CRYBG3: variants seen among roughly 807,000 people sequenced by gnomAD.
CRYBG3 encodes very large A-kinase anchor protein.
Under a neutral mutation model 244.2 loss-of-function variants are expected in CRYBG3, and 127 were observed. The observed-to-expected ratio is 0.52, with a 90% CI of 0.45 to 0.60. The LOEUF (loss-of-function observed/expected upper bound fraction) is 0.60, where lower values mean the gene tolerates loss of function less well. CRYBG3 is among the 20% of genes least tolerant of loss of function. CRYBG3 has a pLI of 0.00. For synonymous variants in CRYBG3, 1,132 were observed against 1,195.8 expected, an observed-to-expected ratio of 0.95 and a Z score of 1.10; for missense variants, 3,325 against 3,442.5, an observed-to-expected ratio of 0.97 and a Z score of 0.85.
At chr3:97,904,952 T>C (rs1161762023) in intron 15 of CRYBG3, among the ~76,000 whole-genome samples, 2 of 144,284 alleles carry the variant, frequency 1.4e-5, no homozygotes, top group Non-Finnish European at 3.0e-5. Flanking sequence ...TGTGATCTCA[T>C]TGTTCAGTTC....
Position 97,932,605 on chromosome 3 carries a change from C to T in CRYBG3, c.8242-1089C>T, listed in dbSNP as rs943353169. 2.6e-5 allele frequency among the ~76,000 whole-genome samples: 4 copies of T among 152,168 alleles called. No individual in the cohort carries two copies. The East Asian group carries it at 7.8e-4, about 29-fold the overall frequency. ...GCTTTGCTTCTTATCTACCGAGTTG[C>T]AGTTGCTTCAGCCCACTCATAGTCC... On this transcript the variant is annotated intron_variant, in intron 17 of 21. Transcript: ENST00000389622.
chr3:97,872,843 A>G lies in CRYBG3; in HGVS notation c.1649A>G (p.Asp550Gly), dbSNP rs1559727075. Residue 550 changes from aspartate to glycine, a missense_variant, in exon 4 of 22, where the codon GAT becomes GGT. Physicochemically the swap from Asp to Gly is moderately conservative, Grantham distance 94. Coordinates refer to ENST00000389622, the MANE Select transcript of CRYBG3 (RefSeq NM_153605.4). ...IASSHVKAPE[D>G]KIESLPKDTD... ...TCAAGTCATGTAAAAGCTCCAGAAGATAAAATTGAGTCATTACCCAAAGAT... is the reference window on the plus strand; with the variant it reads ...TCAAGTCATGTAAAAGCTCCAGAAGGTAAAATTGAGTCATTACCCAAAGAT... 2.0e-6 allele frequency: 3 copies of G among 1,536,000 alleles called. No individual in the cohort carries two copies. The highest frequency in any genetic ancestry group is 1.7e-6 in the Non-Finnish European group (2 of 1,146,822).
At chr3:97,937,008 C>A in intron 19 of CRYBG3, 100 bp downstream of exon 19, 2 of 1,340,948 alleles carry the variant, frequency 1.5e-6, no homozygotes, top group Non-Finnish European at 2.1e-6. Context: ...ATTTAGTTTG[C>A]CATTTACATA....
chr3:97,900,349 AAAAAG>A (rs1182295774), intron 14 of CRYBG3, 99 bp from the exon 15 acceptor site: 14 of 708,118 alleles, frequency 2.0e-5, no homozygotes, highest in Admixed American at 1.8e-4. Context: ...CTCTGTCTCA[AAAAAG>A]AAAAGAAAAA....
In CRYBG3 at chr3:97,874,807, G is replaced by T; in HGVS notation, c.3613G>T (p.Gly1205Cys). ...ACTCAAAAAGGCCGATACATTGATT[G>T]GTGAGATTTTTAATTCTGTCAGGGA... ...SLLKKADTLI[G>C]EIFNSVREEL... Residue 1205 changes from glycine to cysteine, a missense_variant, in exon 4 of 22, where the codon GGT becomes TGT. Coordinates refer to ENST00000389622, the MANE Select transcript of CRYBG3 (RefSeq NM_153605.4). 1 of 1,535,972 alleles carries T rather than the reference G, an allele frequency of 6.5e-7. No individual in the cohort carries two copies.
intron 15 of CRYBG3, among the ~76,000 whole-genome samples, chr3:97,910,324 A>G (rs1343253169): frequency 6.6e-6 from 1 of 152,190 alleles, no homozygotes; most frequent in Non-Finnish European, 1.5e-5. Context: ...AGCCTGGGCA[A>G]TGGCGGGCAC....
intron 15 of CRYBG3, among the ~76,000 whole-genome samples, chr3:97,904,495 A>T (rs1054494728): frequency 2.0e-5 from 3 of 152,094 alleles, no homozygotes; most frequent in Non-Finnish European, 4.4e-5. Context: ...ACCATCTGAA[A>T]TATGCTTCAC....
At chr3:97,834,695 T>C (rs1465531350) in intron 1 of CRYBG3, among the ~76,000 whole-genome samples, 1 of 152,174 alleles carries the variant, frequency 6.6e-6, no homozygotes, top group Admixed American at 6.6e-5. Flanking sequence ...TGGTGTTTCA[T>C]TGTTCTAAGT....
intron 1 of CRYBG3, among the ~76,000 whole-genome samples, chr3:97,837,710 A>G (rs1220857669): frequency 1.3e-5 from 2 of 152,112 alleles, no homozygotes; most frequent in Non-Finnish European, 2.9e-5. Flanking sequence ...GTGACCTCAT[A>G]TTTGGGGGTA....
chr3:97,917,685 G>A (rs927015643), intron 17 of CRYBG3, among the ~76,000 whole-genome samples: 9 of 152,178 alleles, frequency 5.9e-5, no homozygotes, highest in East Asian at 3.9e-4. Flanking sequence ...TGGAATGCTC[G>A]AAAATTCTGT....
At chr3:97,881,847 T>C (rs1006674770) in intron 7 of CRYBG3, among the ~76,000 whole-genome samples, 7 of 152,140 alleles carry the variant, frequency 4.6e-5, no homozygotes, top group Non-Finnish European at 8.8e-5. Context: ...CTATACACTA[T>C]ACTATAATAG....
At chr3:97,880,125 A>G in intron 6 of CRYBG3, 25 bp downstream of exon 6, 2 of 1,223,768 alleles carry the variant, frequency 1.6e-6, no homozygotes, top group Non-Finnish European at 2.3e-6. Context: ...AAAATTTTAT[A>G]GCATATTTTC....
intron 4 of CRYBG3, 67 bp from the exon 5 acceptor site, chr3:97,879,637 G>A (rs2039422413): frequency 2.6e-6 from 3 of 1,150,128 alleles, no homozygotes; most frequent in Middle Eastern, 2.0e-4. Context: ...AGACTGCTAA[G>A]AAAATGAATT....
At chr3:97,926,433 A>G (rs1476515985) in intron 17 of CRYBG3, among the ~76,000 whole-genome samples, 1 of 152,074 alleles carries the variant, frequency 6.6e-6, no homozygotes, top group Non-Finnish European at 1.5e-5. Flanking sequence ...AATAATAAAG[A>G]GACTTATATG....
intron 17 of CRYBG3, among the ~76,000 whole-genome samples, chr3:97,926,729 A>G (rs904718558): frequency 6.6e-6 from 1 of 152,114 alleles, no homozygotes; most frequent in Non-Finnish European, 1.5e-5. Context: ...ATATTTCAGG[A>G]TACAAAATCA....
chr3:97,863,895 T>G (rs1246427585), intron 2 of CRYBG3, among the ~76,000 whole-genome samples: 1 of 152,138 alleles, frequency 6.6e-6, no homozygotes, highest in Non-Finnish European at 1.5e-5. Flanking sequence ...TCTGTCCTCT[T>G]TAAAGAGTGT....
chr3:97,911,676 C>T (rs181489726), intron 15 of CRYBG3, among the ~76,000 whole-genome samples: 82 of 152,320 alleles, frequency 5.4e-4, no homozygotes, highest in Non-Finnish European at 9.6e-4. Flanking sequence ...GGCATGTGCT[C>T]GTGCTCTCCT....
chr3:97,835,234 G>A (rs544881449), intron 1 of CRYBG3, among the ~76,000 whole-genome samples: 1 of 152,068 alleles, frequency 6.6e-6, no homozygotes, highest in South Asian at 2.1e-4. Context: ...ACTTACATAG[G>A]GTTGTATTCT....
intron 14 of CRYBG3, among the ~76,000 whole-genome samples, chr3:97,900,018 C>T (rs967919763): frequency 3.3e-5 from 5 of 152,114 alleles, no homozygotes; most frequent in South Asian, 2.1e-4. Context: ...GATCCATAGC[C>T]AGTTCAAAGA....
Sources: gnomAD v4.1 joint callset for allele counts (sites outside exome capture counted in the v4.1 genomes callset) on GRCh38, gnomAD v4.1.1 for gene constraint, MANE v1.5 for transcripts, NCBI Gene and HGNC (gene_info 2026-07-23, HGNC 2026-07-21) for gene names.